SEL1L2: variants seen among roughly 807,000 people sequenced by gnomAD.
The protein encoded by SEL1L2 is SEL1L2 adaptor subunit of SYVN1 ubiquitin ligase.
SEL1L2 carries 89 observed loss-of-function variants against 98.8 expected under a neutral mutation model. The observed-to-expected ratio is 0.90, with a 90% confidence interval of 0.76 to 1.07. SEL1L2 has a LOEUF of 1.07. Among genes scored for constraint, SEL1L2 ranks in the 50% least tolerant of loss-of-function variants. The pLI is 0.00. For missense variants in SEL1L2, 788 were observed against 812.0 expected, an observed-to-expected ratio of 0.97 and a Z score of 0.36; for synonymous variants, 262 against 278.5, an observed-to-expected ratio of 0.94 and a Z score of 0.59.
At chr20:13,935,624 G>C (rs1173619684) in intron 2 of SEL1L2, among the ~76,000 whole-genome samples, 1 of 152,186 alleles carries the variant, frequency 6.6e-6, no homozygotes, top group Non-Finnish European at 1.5e-5. Context: ...GGAGCAGAGT[G>C]AGTGGGGTGG....
chr20:13,939,074 C>T (rs1180555549), intron 2 of SEL1L2, among the ~76,000 whole-genome samples: 1 of 87,504 alleles, frequency 1.1e-5, no homozygotes, highest in Non-Finnish European at 2.3e-5. Flanking sequence ...GATGGAGTCT[C>T]GCCCTGTCAC....
intron 1 of SEL1L2, among the ~76,000 whole-genome samples, chr20:13,984,852 A>G (rs991884033): frequency 2.0e-5 from 3 of 152,156 alleles, no homozygotes; most frequent in Non-Finnish European, 2.9e-5. Context: ...TACGGAGCAC[A>G]GTGTGATATT....
chr20:13,867,757 A>G (rs1381060153), intron 14 of SEL1L2, among the ~76,000 whole-genome samples: 1 of 152,206 alleles, frequency 6.6e-6, no homozygotes, highest in Non-Finnish European at 1.5e-5. Context: ...TACATTAGCC[A>G]TGACTATTTT....
chr20:13,915,133 C>T (rs1337175633), intron 4 of SEL1L2: 26 of 1,289,702 alleles, frequency 2.0e-5, no homozygotes, highest in South Asian at 2.5e-5. Flanking sequence ...TTATGTACAG[C>T]CCATCCATGC....
At chr20:13,866,914 G>T in intron 14 of SEL1L2, 64 bp from the exon 15 acceptor site, 2 of 1,395,424 alleles carry the variant, frequency 1.4e-6, no homozygotes, top group Non-Finnish European at 9.5e-7. Flanking sequence ...ATAATCTATG[G>T]ATATAATAGT....
At chr20:13,858,451 A>T (rs1337237300) in intron 18 of SEL1L2, among the ~76,000 whole-genome samples, 2 of 152,120 alleles carry the variant, frequency 1.3e-5, no homozygotes, top group Non-Finnish European at 2.9e-5. Context: ...TGGTTGGCCA[A>T]ATGACATAAC....
At chr20:13,901,531 T>TA (rs1314286680) in intron 5 of SEL1L2, among the ~76,000 whole-genome samples, 2 of 152,240 alleles carry the variant, frequency 1.3e-5, no homozygotes, top group Admixed American at 6.5e-5. Context: ...TGTAATTTTA[T>TA]AAAAAATGTG....
chr20:13,930,777 C>G (rs1235409430), intron 3 of SEL1L2, among the ~76,000 whole-genome samples: 1 of 152,060 alleles, frequency 6.6e-6, no homozygotes, highest in Non-Finnish European at 1.5e-5. Context: ...TTCTCCATAA[C>G]CCATGGTTCA....
At chr20:13,931,336 G>T (rs1017416083) in intron 3 of SEL1L2, among the ~76,000 whole-genome samples, 8 of 152,036 alleles carry the variant, frequency 5.3e-5, no homozygotes, top group Non-Finnish European at 1.5e-5. Context: ...GGCCTGACAG[G>T]AGTATCTTTG....
intron 10 of SEL1L2, among the ~76,000 whole-genome samples, chr20:13,884,503 TA>T (rs146022628): frequency 0.016 from 2,468 of 152,136 alleles, 66 homozygotes; most frequent in African/African-American, 0.054. Context: ...TTAACTTATT[TA>T]TTTTTTTTAT....
At chr20:13,863,277 C>G (rs1990463387) in intron 17 of SEL1L2, among the ~76,000 whole-genome samples, 2 of 152,190 alleles carry the variant, frequency 1.3e-5, no homozygotes, top group Admixed American at 6.5e-5. Context: ...GTTGTACAGG[C>G]AGTAAGCAGG....
intron 2 of SEL1L2, among the ~76,000 whole-genome samples, chr20:13,952,330 G>A (rs1205075914): frequency 6.6e-6 from 1 of 152,210 alleles, no homozygotes; most frequent in South Asian, 2.1e-4. Context: ...GGTAAGCAGG[G>A]CTAATTCCTG....
chr20:13,908,103 C>CTTTTTTT (rs71188195), intron 5 of SEL1L2, among the ~76,000 whole-genome samples: 11 of 26,744 alleles, frequency 4.1e-4, no homozygotes, highest in African/African-American at 6.5e-4. Flanking sequence ...TTTCTTGGTT[C>CTTTTTTT]TTTTTTTTTT....
intron 9 of SEL1L2, 59 bp from the exon 10 acceptor site, chr20:13,885,462 C>T (rs552296970): frequency 3.8e-5 from 42 of 1,106,786 alleles, no homozygotes; most frequent in Non-Finnish European, 5.6e-5. Context: ...ATAAAGAAAA[C>T]ATTTATGTGG....
intron 2 of SEL1L2, among the ~76,000 whole-genome samples, chr20:13,938,858 C>T (rs772632314): frequency 6.6e-6 from 1 of 151,880 alleles, no homozygotes; most frequent in Non-Finnish European, 1.5e-5. Flanking sequence ...TATATGTTTT[C>T]TGTTTAAATA....
At chr20:13,960,416 T>A (rs1036465060) in intron 1 of SEL1L2, among the ~76,000 whole-genome samples, 5 of 152,156 alleles carry the variant, frequency 3.3e-5, no homozygotes, top group African/African-American at 7.2e-5. Context: ...GAAGGAAGCA[T>A]AAGCATATAA....
chr20:13,963,590 C>T (rs1955592819), intron 1 of SEL1L2, among the ~76,000 whole-genome samples: 1 of 151,846 alleles, frequency 6.6e-6, no homozygotes, highest in South Asian at 2.1e-4. Flanking sequence ...GTGGCATATG[C>T]TTGTAGTCCC....
intron 4 of SEL1L2, among the ~76,000 whole-genome samples, chr20:13,915,898 G>A (rs915464382): frequency 5.3e-5 from 8 of 152,152 alleles, no homozygotes; most frequent in African/African-American, 1.7e-4. Flanking sequence ...GGCATTGGAC[G>A]CTTAGGTGGG....
intron 1 of SEL1L2, among the ~76,000 whole-genome samples, chr20:13,957,099 T>C (rs949075486): frequency 6.6e-6 from 1 of 151,660 alleles, no homozygotes; most frequent in Non-Finnish European, 1.5e-5. Flanking sequence ...TTAATTAATT[T>C]ATTTCTACTT....
Sources: gnomAD v4.1 joint callset for allele counts (sites outside exome capture counted in the v4.1 genomes callset) on GRCh38, gnomAD v4.1.1 for gene constraint, MANE v1.5 for transcripts, NCBI Gene and HGNC (gene_info 2026-07-23, HGNC 2026-07-21) for gene names.